The following FGF13 variants were observed in gnomAD, a reference collection of about 807,000 sequenced individuals.
FGF13 encodes the protein fibroblast growth factor 13.
FGF13 carries 2 observed loss-of-function variants against 19.5 expected under a neutral mutation model. The observed-to-expected ratio is 0.10, with a 90% CI of 0.04 to 0.32. The LOEUF is 0.32. FGF13 is among the 10% of genes least tolerant of loss of function. The pLI is 1.00. For missense variants in FGF13, 113 were observed against 192.7 expected, an observed-to-expected ratio of 0.59 and a Z score of 2.45; for synonymous variants, 72 against 76.9, an observed-to-expected ratio of 0.94 and a Z score of 0.33.
chrX:138,731,322 A>G (rs899657291), intron 1 of FGF13, among the ~76,000 whole-genome samples: 3 of 110,452 alleles, frequency 2.7e-5, no homozygotes, highest in Non-Finnish European at 5.7e-5. Context: ...ATTTAAATAC[A>G]TTCATAAGAA....
chrX:138,838,795 C>T (rs2091130009), intron 3 of FGF13, among the ~76,000 whole-genome samples: 1 of 111,415 alleles, frequency 9.0e-6, no homozygotes, highest in Admixed American at 9.5e-5. Context: ...AGAGAAACTG[C>T]CTGAGGAATT....
intron 3 of FGF13, among the ~76,000 whole-genome samples, chrX:138,673,062 G>A (rs1030622741): frequency 2.7e-5 from 3 of 111,011 alleles, no homozygotes; most frequent in African/African-American, 6.5e-5. Flanking sequence ...AGAATAATGC[G>A]GGGAGGGGTA....
chrX:139,165,041 G>A lies in FGF13; in HGVS notation c.-113+38375C>T, dbSNP rs193226729. Among the ~76,000 whole-genome samples, 435 of 111,941 alleles carry A rather than the reference G, an allele frequency of 3.9e-3. 2 individuals carry two copies. Among genetic ancestry groups the A allele is most frequent in the African/African-American group, 0.014 (422 of 30,864 alleles). ...CTGGAACTTCTTAGGGATTACTTAAGTGGTTGTGATCACAATGCTGGTAGA... is the reference window on the plus strand; with the variant it reads ...CTGGAACTTCTTAGGGATTACTTAAATGGTTGTGATCACAATGCTGGTAGA... On this transcript the variant is annotated intron_variant, in intron 1 of 2. Transcript: ENST00000421460.
chrX:138,894,346 CA>C (rs758674873), intron 1 of FGF13, among the ~76,000 whole-genome samples: 1 of 108,437 alleles, frequency 9.2e-6, no homozygotes, highest in African/African-American at 3.4e-5. Flanking sequence ...AAAAACCCTT[CA>C]AAAAAAATCA....
chrX:139,105,800 T>C (rs1210207910), intron 1 of FGF13, among the ~76,000 whole-genome samples: 1 of 112,462 alleles, frequency 8.9e-6, no homozygotes, highest in Non-Finnish European at 1.9e-5. Context: ...CTGGCTGGCA[T>C]GTCTAGAAAA....
chrX:139,035,388 A>G (rs1310202855), intron 1 of FGF13, among the ~76,000 whole-genome samples: 1 of 111,486 alleles, frequency 9.0e-6, no homozygotes, highest in Non-Finnish European at 1.9e-5. Flanking sequence ...TAGCCTCACC[A>G]TTTGAAAAAT....
chrX:139,169,182 G>C (rs185610917), intron 1 of FGF13, among the ~76,000 whole-genome samples: 33 of 111,922 alleles, frequency 2.9e-4, no homozygotes, highest in African/African-American at 8.8e-4. Flanking sequence ...ACCTCATAAG[G>C]GTTGAGCAGA....
intron 3 of FGF13, among the ~76,000 whole-genome samples, chrX:138,786,425 A>G (rs2090692919): frequency 8.9e-6 from 1 of 111,782 alleles, no homozygotes; most frequent in Non-Finnish European, 1.9e-5. Context: ...TCAAAAGACC[A>G]TGGCAGCTCT....
rs1428485656 is a variant in FGF13 at position 138,615,137 on chromosome X, CAT to C, written c.*17711_*17712del. 4 of 111,294 alleles carry C rather than the reference CAT, an allele frequency of 3.6e-5. No individual in the cohort carries two copies. Among genetic ancestry groups the C allele is most frequent in the Non-Finnish European group, 7.5e-5 (4 of 53,003 alleles). 9.2% of individuals were successfully genotyped at this position (111,294 alleles called of 1,213,427 possible). ...ATTGTAGTGGTTACCCAAATATACA[CAT>C]GTGGTAAAATTGCATAGACCTACAC... is the stretch of plus-strand genomic sequence containing the variant. On this transcript the variant is annotated 3_prime_UTR_variant, in exon 5 of 5. Coordinates refer to ENST00000315930, the MANE Select transcript of FGF13 (RefSeq NM_004114.5).
At chrX:138,884,798 C>T (rs1321099693) in intron 1 of FGF13, among the ~76,000 whole-genome samples, 5 of 111,805 alleles carry the variant, frequency 4.5e-5, no homozygotes, top group African/African-American at 6.5e-5. Flanking sequence ...TAAAAGGAGG[C>T]ATCTAATGGG....
intron 1 of FGF13, among the ~76,000 whole-genome samples, chrX:139,049,990 T>G (rs5976255): frequency 0.025 from 2,755 of 111,979 alleles, 86 homozygotes; most frequent in African/African-American, 0.084. Flanking sequence ...CACCACATTT[T>G]ACTTTTCTAG....
chrX:138,897,298 C>T (rs937294492), intron 1 of FGF13, among the ~76,000 whole-genome samples: 1 of 111,511 alleles, frequency 9.0e-6, no homozygotes, highest in Non-Finnish European at 1.9e-5. Context: ...AGGTGAGCCA[C>T]CACGCCCAGC....
At chrX:138,747,882 T>C (rs778709098) in intron 3 of FGF13, among the ~76,000 whole-genome samples, 1 of 111,091 alleles carries the variant, frequency 9.0e-6, no homozygotes, top group Non-Finnish European at 1.9e-5. Flanking sequence ...CCTGGTACCT[T>C]GGAAATGGTA....
At chrX:139,093,599 C>T (rs1046933347) in intron 1 of FGF13, among the ~76,000 whole-genome samples, 2 of 111,458 alleles carry the variant, frequency 1.8e-5, no homozygotes, top group Non-Finnish European at 3.8e-5. Flanking sequence ...AGATGTGATC[C>T]CAGAATCTAC....
At chrX:138,905,845 A>G (rs2091555378) in intron 1 of FGF13, among the ~76,000 whole-genome samples, 1 of 111,577 alleles carries the variant, frequency 9.0e-6, no homozygotes, top group Admixed American at 9.6e-5. Flanking sequence ...ACCATTCTCT[A>G]TCTGATCTAG....
chrX:139,159,498 T>A (rs1355897505), intron 1 of FGF13, among the ~76,000 whole-genome samples: 2 of 110,685 alleles, frequency 1.8e-5, no homozygotes, highest in Non-Finnish European at 3.8e-5. Context: ...TAAATGTAAA[T>A]AGGCTAAATG....
rs180881296 is a variant in FGF13 at position 139,046,316 on chromosome X, G to A, written c.-113+157100C>T. On this transcript the variant is annotated intron_variant, in intron 1 of 2. Transcript: ENST00000421460. ...GTCAGAACTGAGCCACGAGGGATCC[G>A]CCCCCATAATCCAAACACCTTCCAC... Among the ~76,000 whole-genome samples, 100 of 111,184 alleles carry A rather than the reference G, an allele frequency of 9.0e-4. 1 individual carries two copies. The highest frequency in any genetic ancestry group is 3.1e-3 in the African/African-American group (93 of 30,414).
chrX:139,089,023 T>G (rs1205997677), intron 1 of FGF13, among the ~76,000 whole-genome samples: 1 of 112,610 alleles, frequency 8.9e-6, no homozygotes, highest in Non-Finnish European at 1.9e-5. Flanking sequence ...TTTCAGCCTC[T>G]GGAACAGTGA....
intron 1 of FGF13, among the ~76,000 whole-genome samples, chrX:139,093,487 A>T (rs1355546574): frequency 2.7e-5 from 3 of 112,007 alleles, no homozygotes; most frequent in African/African-American, 9.7e-5. Flanking sequence ...AAAGAGATAA[A>T]CTCAAACCTC....
Sources: allele counts gnomAD v4.1 joint callset (sites outside exome capture counted in the v4.1 genomes callset), GRCh38; gene constraint gnomAD v4.1.1; transcripts MANE v1.5; gene names NCBI Gene and HGNC (gene_info 2026-07-23, HGNC 2026-07-21).